Variants in MMP16 observed in about 807,000 individuals in gnomAD.
MMP16 encodes matrix metallopeptidase 16, also known as matrix metalloproteinase-16.
Under a neutral mutation model 67.8 loss-of-function variants are expected in MMP16, and 12 were observed. That is an observed-to-expected ratio of 0.18 (90% CI 0.11 to 0.29). The LOEUF (loss-of-function observed/expected upper bound fraction) is 0.29, where lower values mean the gene tolerates loss of function less well. Ranked by LOEUF, MMP16 falls within the 10% of genes least tolerant of loss-of-function variation. The probability of loss-of-function intolerance (pLI) is 1.00; values close to 1 mark genes in which losing one functional copy is unlikely to be tolerated. For missense variants in MMP16, 475 were observed against 765.7 expected (o/e 0.62, Z 4.48); for synonymous variants, 249 against 255.9 (o/e 0.97, Z 0.26).
At chr8:88,092,058 G>T (rs951116801) in intron 6 of MMP16, among the ~76,000 whole-genome samples, 5 of 151,800 alleles carry the variant, frequency 3.3e-5, no homozygotes, top group Non-Finnish European at 5.9e-5. Context: ...AAGACTATGA[G>T]AAAATGTTGA....
At chr8:88,109,545 T>C (rs1809299378) in intron 6 of MMP16, among the ~76,000 whole-genome samples, 2 of 151,310 alleles carry the variant, frequency 1.3e-5, no homozygotes, top group South Asian at 4.1e-4. Context: ...GAATAAAGTC[T>C]AATTTTTGCT....
chr8:88,087,897 T>C (rs1220608836), intron 6 of MMP16, among the ~76,000 whole-genome samples: 1 of 151,308 alleles, frequency 6.6e-6, no homozygotes, highest in Admixed American at 6.6e-5. Flanking sequence ...TGAGCCGTGA[T>C]TGTGGTACTG....
At chr8:88,237,915 T>G (rs1330682641) in intron 1 of MMP16, among the ~76,000 whole-genome samples, 3 of 152,152 alleles carry the variant, frequency 2.0e-5, no homozygotes, top group Non-Finnish European at 4.4e-5. Flanking sequence ...CTATAGCACA[T>G]GAAAGACTAT....
intron 1 of MMP16, among the ~76,000 whole-genome samples, chr8:88,270,578 A>C (rs2129971182): frequency 6.6e-6 from 1 of 152,354 alleles, no homozygotes; most frequent in Admixed American, 6.5e-5. Context: ...AGAATCAGAG[A>C]ATTTCCCAGT....
In MMP16 at chr8:88,139,098, T is replaced by G. The variant is rs557252150; in HGVS notation, c.710-20237A>C. ...AAATAATAAATTCTTCACTTACAGC[T>G]GATTGTTCAGATGCTGACATTGTCT... On this transcript the variant is annotated intron_variant, in intron 4 of 9. Coordinates refer to ENST00000286614, the MANE Select transcript of MMP16 (RefSeq NM_005941.5). Among the ~76,000 whole-genome samples the G allele has an allele frequency of 2.0e-5, 3 of 152,310 alleles. No homozygotes were observed. In the South Asian group the frequency reaches 6.2e-4, roughly 32 times the overall value.
intron 4 of MMP16, among the ~76,000 whole-genome samples, chr8:88,128,266 A>G (rs999809442): frequency 1.3e-5 from 2 of 151,872 alleles, no homozygotes; most frequent in Non-Finnish European, 2.9e-5. Flanking sequence ...ACACATTTGG[A>G]CACCAGAAAC....
chr8:88,271,404 G>A (rs1456176717), intron 1 of MMP16, among the ~76,000 whole-genome samples: 1 of 152,188 alleles, frequency 6.6e-6, no homozygotes, highest in East Asian at 1.9e-4. Context: ...GTATACAAGA[G>A]GAATCTATAT....
intron 2 of MMP16, among the ~76,000 whole-genome samples, chr8:88,191,155 A>AT (rs1419642133): frequency 1.3e-5 from 2 of 152,174 alleles, no homozygotes; most frequent in Admixed American, 1.3e-4. Flanking sequence ...AAGAAAAAAA[A>AT]TCTAAATCAG....
chr8:88,114,964 T>C (rs1809403977), intron 6 of MMP16, among the ~76,000 whole-genome samples: 1 of 151,944 alleles, frequency 6.6e-6, no homozygotes, highest in African/African-American at 2.4e-5. Context: ...CAACAGCACT[T>C]ACTAAACTTT....
chr8:88,184,325 T>A (rs557997013), intron 3 of MMP16, among the ~76,000 whole-genome samples: 1 of 151,726 alleles, frequency 6.6e-6, no homozygotes, highest in Non-Finnish European at 1.5e-5. Flanking sequence ...ATCTAACATA[T>A]CTCATCCAAG....
At chr8:88,252,736 A>G (rs1810246010) in intron 1 of MMP16, among the ~76,000 whole-genome samples, 1 of 152,000 alleles carries the variant, frequency 6.6e-6, no homozygotes, top group Admixed American at 6.6e-5. Flanking sequence ...TTTTAATTAT[A>G]CTCCAAAAAT....
Position 88,282,430 on chromosome 8 carries a change from T to G in MMP16, c.132+44645A>C, listed in dbSNP as rs569829362. ...TTACAAAGTATAGTGAATTGAAAAC[T>G]GTAAAAATTAATTCAATAGAATCTA... On this transcript the variant is annotated intron_variant, in intron 1 of 9. Coordinates refer to ENST00000286614, the MANE Select transcript of MMP16 (RefSeq NM_005941.5). Among the ~76,000 whole-genome samples the G allele has an allele frequency of 3.3e-5, 5 of 152,338 alleles. No individual in the cohort carries two copies. In the South Asian group the frequency reaches 1.0e-3, roughly 32 times the overall value.
At chr8:88,303,908 A>G (rs1051679568) in intron 1 of MMP16, among the ~76,000 whole-genome samples, 1 of 152,168 alleles carries the variant, frequency 6.6e-6, no homozygotes. Context: ...TCTCCTCCAA[A>G]TGACTCCAGC....
At chr8:88,144,290 A>T (rs1808257461) in intron 4 of MMP16, among the ~76,000 whole-genome samples, 1 of 151,998 alleles carries the variant, frequency 6.6e-6, no homozygotes, top group African/African-American at 2.4e-5. Flanking sequence ...ACAAAATTAA[A>T]TTTTTTAGGT....
chr8:88,276,780 C>T (rs972063820), intron 1 of MMP16, among the ~76,000 whole-genome samples: 1 of 151,898 alleles, frequency 6.6e-6, no homozygotes, highest in Admixed American at 6.6e-5. Flanking sequence ...AATAAGAGAA[C>T]CCGAGTAAGA....
intron 2 of MMP16, 120 bp downstream of exon 2, chr8:88,197,038 A>G: frequency 1.1e-6 from 1 of 946,494 alleles, no homozygotes; most frequent in Non-Finnish European, 1.5e-6. Flanking sequence ...ATATAATTCC[A>G]AAGAAAGTTC....
Position 88,221,574 on chromosome 8 carries a change from C to CA in MMP16, c.133-24269dup, listed in dbSNP as rs28905468. Among the ~76,000 whole-genome samples, 33 of 150,478 alleles carry CA rather than the reference C, an allele frequency of 2.2e-4. 1 individual carries two copies. Among genetic ancestry groups the CA allele is most frequent in the Middle Eastern group, 3.4e-3 (1 of 292 alleles). ...AACCCCAGAGAGAAGAGAATTCTACCAAAAAAAATAGTTTTTAAACACAAT... is the reference window on the plus strand; with the variant it reads ...AACCCCAGAGAGAAGAGAATTCTACCAAAAAAAAATAGTTTTTAAACACAAT... On this transcript the variant is annotated intron_variant, in intron 1 of 9. Transcript: ENST00000286614.
At chr8:88,278,662 T>G (rs1810685990) in intron 1 of MMP16, among the ~76,000 whole-genome samples, 1 of 152,156 alleles carries the variant, frequency 6.6e-6, no homozygotes. Context: ...TGTACATAAT[T>G]TTGAATTTCA....
At chr8:88,237,623 T>A (rs940878044) in intron 1 of MMP16, among the ~76,000 whole-genome samples, 2 of 151,436 alleles carry the variant, frequency 1.3e-5, no homozygotes, top group African/African-American at 4.9e-5. Context: ...CACTCCAGCC[T>A]GGGCGACAGA....
Sources: gnomAD v4.1 joint callset for allele counts (sites outside exome capture counted in the v4.1 genomes callset) on GRCh38, gnomAD v4.1.1 for gene constraint, MANE v1.5 for transcripts, NCBI Gene and HGNC (gene_info 2026-07-23, HGNC 2026-07-21) for gene names.